RAB27A: variants seen among roughly 807,000 people sequenced by gnomAD.
The protein encoded by RAB27A is RAB27A, member RAS oncogene family.
Under a neutral mutation model 20.8 loss-of-function variants are expected in RAB27A, and 17 were observed. The observed-to-expected ratio is 0.82, with a 90% CI of 0.56 to 1.23. The LOEUF (loss-of-function observed/expected upper bound fraction) is 1.23, where lower values mean the gene tolerates loss of function less well. Ranked by LOEUF, RAB27A falls within the 50% of genes most tolerant of loss-of-function variation. The probability of loss-of-function intolerance (pLI) is 0.00; values close to 1 mark genes in which losing one functional copy is unlikely to be tolerated. For synonymous variants in RAB27A, 85 were observed against 92.8 expected (o/e 0.92, Z 0.48); for missense variants, 277 against 266.7 (o/e 1.04, Z -0.27).
intron 1 of RAB27A, among the ~76,000 whole-genome samples, chr15:55,271,893 A>G (rs2141101251): frequency 6.6e-6 from 1 of 152,352 alleles, no homozygotes; most frequent in East Asian, 1.9e-4. Flanking sequence ...AAGTCTGAGC[A>G]CAACCAGTCT....
At chr15:55,206,196 G>T in intron 6 of RAB27A, 1 of 391,006 alleles carries the variant, frequency 2.6e-6, no homozygotes, top group Non-Finnish European at 3.5e-6. Flanking sequence ...GGGCAATAGA[G>T]TTAGACTGTC....
chr15:55,226,554 T>G (rs1895806615), intron 5 of RAB27A, among the ~76,000 whole-genome samples: 1 of 152,044 alleles, frequency 6.6e-6, no homozygotes, highest in South Asian at 2.1e-4. Context: ...TTTGTGTGTA[T>G]TAAGCTATTA....
intron 2 of RAB27A, among the ~76,000 whole-genome samples, chr15:55,299,592 CAAA>C (rs570200207): frequency 2.8e-5 from 2 of 70,304 alleles, no homozygotes; most frequent in East Asian, 4.0e-4. Context: ...GAATCTGTCT[CAAA>C]AAAAAAAAAA....
chr15:55,309,192 TC>T (rs2055009997), intron 2 of RAB27A, among the ~76,000 whole-genome samples: 1 of 152,212 alleles, frequency 6.6e-6, no homozygotes, highest in Non-Finnish European at 1.5e-5. Context: ...TACCTGGGAA[TC>T]CATATTCGAC....
chr15:55,239,985 C>T (rs1369298443), intron 2 of RAB27A, among the ~76,000 whole-genome samples: 2 of 152,136 alleles, frequency 1.3e-5, no homozygotes, highest in African/African-American at 4.8e-5. Context: ...CCAGACTATA[C>T]TCCCACCTCC....
rs1432029084 is a variant in RAB27A, at chr15:55,280,010, G to C, written c.-143+9706C>G. Reference sequence around the variant, plus strand: ...TTTCAGATTCAGTAGGTCTGGAGTGGGGCTGAAAATCTGCATTTCTATGTT... The same window carrying C: ...TTTCAGATTCAGTAGGTCTGGAGTGCGGCTGAAAATCTGCATTTCTATGTT... On this transcript the variant is annotated intron_variant, in intron 1 of 6. Coordinates refer to ENST00000336787, the MANE Select transcript of RAB27A (RefSeq NM_183235.3). Among the ~76,000 whole-genome samples, 6 of 152,184 alleles carry C rather than the reference G, an allele frequency of 3.9e-5. No homozygotes were observed. The East Asian group carries it at 1.2e-3, about 29-fold the overall frequency.
intron 2 of RAB27A, among the ~76,000 whole-genome samples, chr15:55,313,803 C>T (rs2055031089): frequency 6.6e-6 from 1 of 152,038 alleles, no homozygotes; most frequent in African/African-American, 2.4e-5. Flanking sequence ...GAAGCCCTGT[C>T]TCTACTAAAA....
intron 2 of RAB27A, among the ~76,000 whole-genome samples, chr15:55,251,159 T>C (rs1896874758): frequency 1.3e-5 from 2 of 152,244 alleles, no homozygotes; most frequent in Non-Finnish European, 2.9e-5. Context: ...CACACTCTTT[T>C]ATTCAGCGTC....
chr15:55,248,600 T>TA (rs767311780), intron 2 of RAB27A, among the ~76,000 whole-genome samples: 20 of 152,356 alleles, frequency 1.3e-4, no homozygotes, highest in Non-Finnish European at 1.2e-4. Flanking sequence ...AGTTTTGGTT[T>TA]CACCATAATG....
chr15:55,257,631 A>C (rs1897127103), intron 2 of RAB27A, among the ~76,000 whole-genome samples: 1 of 152,176 alleles, frequency 6.6e-6, no homozygotes, highest in African/African-American at 2.4e-5. Flanking sequence ...TGCAATAGGC[A>C]CCTCCTCAGA....
At chr15:55,228,578 TAGC>T (rs1895901725) in intron 5 of RAB27A, 28 bp downstream of exon 5, 2 of 1,474,132 alleles carry the variant, frequency 1.4e-6, no homozygotes, top group African/African-American at 2.8e-5. Context: ...GGGGACTGTG[TAGC>T]AGGACACTGG....
chr15:55,238,355 G>C (rs1005763095), intron 2 of RAB27A: 1 of 152,094 alleles, frequency 6.6e-6, no homozygotes, highest in Non-Finnish European at 1.5e-5. Flanking sequence ...GGGCTTTAAA[G>C]TGACCAGTAG....
At chr15:55,210,533 G>A (rs1347861560) in intron 6 of RAB27A, among the ~76,000 whole-genome samples, 1 of 151,470 alleles carries the variant, frequency 6.6e-6, no homozygotes, top group Non-Finnish European at 1.5e-5. Context: ...GTGATATTGA[G>A]CATTTTTTCA....
At chr15:55,235,640 G>A (rs1419763244) in intron 2 of RAB27A, among the ~76,000 whole-genome samples, 1 of 152,062 alleles carries the variant, frequency 6.6e-6, no homozygotes, top group Non-Finnish European at 1.5e-5. Flanking sequence ...AGGAATAACA[G>A]TAATCATTAG....
rs12902426 is a variant in RAB27A at position 55,206,478 on chromosome 15, A to T, written c.468-773T>A. 1.6e-3 allele frequency among the ~76,000 whole-genome samples: 243 copies of T among 152,110 alleles called. 1 individual carries two copies. Among genetic ancestry groups the T allele is most frequent in the Non-Finnish European group, 2.7e-3 (184 of 67,990 alleles). On this transcript the variant is annotated intron_variant, in intron 6 of 6. Transcript: ENST00000336787. ...TACCTCAGCTTTCCAAGTAGCTGGG[A>T]CCACAGGCGCACACCACCACACCTG...
chr15:55,261,822 G>A (rs1416313557), intron 2 of RAB27A, among the ~76,000 whole-genome samples: 1 of 150,306 alleles, frequency 6.7e-6, no homozygotes, highest in Non-Finnish European at 1.5e-5. Flanking sequence ...GGTGGATCAT[G>A]AGGTCAGGAG....
chr15:55,312,459 T>A lies in RAB27A; in HGVS notation c.-112+1580A>T, dbSNP rs2055025710. Among the ~76,000 whole-genome samples, 3 of 152,308 alleles carry A rather than the reference T, an allele frequency of 2.0e-5. No homozygotes were observed. In the South Asian group the frequency reaches 6.2e-4, roughly 32 times the overall value. On this transcript the variant is annotated intron_variant, in intron 2 of 5. Transcript: ENST00000563262. ...ATATAGTAGCTCTACGTTTAACCATTTGAAGAACTGCCAAACTTTCCCAAA... is the reference window on the plus strand; with the variant it reads ...ATATAGTAGCTCTACGTTTAACCATATGAAGAACTGCCAAACTTTCCCAAA...
At chr15:55,307,068 GGATA>G (rs1243337073) in intron 2 of RAB27A, among the ~76,000 whole-genome samples, 1 of 152,000 alleles carries the variant, frequency 6.6e-6, no homozygotes, top group African/African-American at 2.4e-5. Flanking sequence ...ACCGCAGTTG[GGATA>G]GATAAAATGA....
At chr15:55,247,928 C>A (rs1302327534) in intron 2 of RAB27A, among the ~76,000 whole-genome samples, 2 of 149,658 alleles carry the variant, frequency 1.3e-5, no homozygotes, top group Non-Finnish European at 3.0e-5. Context: ...CCCTCTTCCT[C>A]ACTAACCACT....
Sources: allele counts gnomAD v4.1 joint callset (sites outside exome capture counted in the v4.1 genomes callset), GRCh38; gene constraint gnomAD v4.1.1; transcripts MANE v1.5; gene names NCBI Gene and HGNC (gene_info 2026-07-23, HGNC 2026-07-21).